Variants in CNTNAP5 observed in about 807,000 individuals in gnomAD.
CNTNAP5 encodes the protein contactin associated protein family member 5.
Under a neutral mutation model 150.2 loss-of-function variants are expected in CNTNAP5, and 72 were observed. That is an observed-to-expected ratio of 0.48 (90% confidence interval 0.40 to 0.58). CNTNAP5 has a LOEUF of 0.58. Among genes scored for constraint, CNTNAP5 ranks in the 20% least tolerant of loss-of-function variants. The pLI is 0.00. For missense variants in CNTNAP5, 1,636 were observed against 1,626.2 expected, an observed-to-expected ratio of 1.01 and a Z score of -0.10; for synonymous variants, 672 against 619.8, an observed-to-expected ratio of 1.08 and a Z score of -1.25.
At chr2:124,352,194 T>C (rs1431094846) in intron 3 of CNTNAP5, among the ~76,000 whole-genome samples, 1 of 152,076 alleles carries the variant, frequency 6.6e-6, no homozygotes, top group Non-Finnish European at 1.5e-5. Context: ...TAAACATTAT[T>C]TGGAAGATTC....
intron 13 of CNTNAP5, among the ~76,000 whole-genome samples, chr2:124,685,250 T>C (rs879672488): frequency 5.9e-5 from 9 of 152,164 alleles, no homozygotes; most frequent in Non-Finnish European, 8.8e-5. Flanking sequence ...CTCATATAAA[T>C]TAAAGAAGAC....
chr2:124,555,789 G>T (rs1222776332), intron 10 of CNTNAP5, among the ~76,000 whole-genome samples: 1 of 152,132 alleles, frequency 6.6e-6, no homozygotes, highest in East Asian at 1.9e-4. Context: ...GCTGTCTTCT[G>T]GGTTAATCTA....
At chr2:124,707,137 AGAG>A (rs1310808784) in intron 13 of CNTNAP5, among the ~76,000 whole-genome samples, 1,426 of 88,968 alleles carry the variant, frequency 0.016, 32 homozygotes, top group Non-Finnish European at 0.018. Flanking sequence ...AAGAAGAAGA[AGAG>A]GAAGAAGAAG....
At chr2:124,288,712 C>T (rs1014536745) in intron 3 of CNTNAP5, among the ~76,000 whole-genome samples, 3 of 152,112 alleles carry the variant, frequency 2.0e-5, no homozygotes, top group African/African-American at 7.2e-5. Flanking sequence ...GGTTTATTTC[C>T]TAATAGGCAC....
chr2:124,544,246 T>C (rs1318596596), intron 10 of CNTNAP5, among the ~76,000 whole-genome samples: 4 of 151,950 alleles, frequency 2.6e-5, no homozygotes, highest in Non-Finnish European at 4.4e-5. Flanking sequence ...CTAATGTTTC[T>C]AAAGAAAAAA....
chr2:124,534,062 A>G (rs560082489), intron 10 of CNTNAP5, among the ~76,000 whole-genome samples: 45 of 152,322 alleles, frequency 3.0e-4, no homozygotes, highest in Non-Finnish European at 5.4e-4. Flanking sequence ...AACAAGTGAG[A>G]TACAAGGAGA....
chr2:124,203,174 C>T (rs549362283), intron 1 of CNTNAP5, among the ~76,000 whole-genome samples: 1 of 152,234 alleles, frequency 6.6e-6, no homozygotes, highest in African/African-American at 2.4e-5. Flanking sequence ...GGGTTACAGG[C>T]CCCATGCAAG....
chr2:124,092,978 T>C (rs1682849848), intron 1 of CNTNAP5, among the ~76,000 whole-genome samples: 1 of 152,202 alleles, frequency 6.6e-6, no homozygotes, highest in Non-Finnish European at 1.5e-5. Context: ...GAGAAGTTCA[T>C]GGTCAGTCAC....
At chr2:124,398,378 C>A (rs1411051087) in intron 3 of CNTNAP5, among the ~76,000 whole-genome samples, 2 of 152,040 alleles carry the variant, frequency 1.3e-5, no homozygotes, top group Non-Finnish European at 1.5e-5. Context: ...GGGGGAACAT[C>A]TCGCAGTTTG....
intron 3 of CNTNAP5, among the ~76,000 whole-genome samples, chr2:124,244,959 T>A (rs1173786773): frequency 6.6e-6 from 1 of 152,198 alleles, no homozygotes; most frequent in African/African-American, 2.4e-5. Context: ...ATTTCACAAC[T>A]AAGATTTATT....
chr2:124,304,287 C>G (rs1293548596), intron 3 of CNTNAP5, among the ~76,000 whole-genome samples: 1 of 152,100 alleles, frequency 6.6e-6, no homozygotes, highest in Non-Finnish European at 1.5e-5. Context: ...AAATTGAGCC[C>G]TTGACCTAGG....
chr2:124,124,306 G>A (rs555483765), intron 1 of CNTNAP5, among the ~76,000 whole-genome samples: 1 of 152,234 alleles, frequency 6.6e-6, no homozygotes, highest in South Asian at 2.1e-4. Flanking sequence ...GGAAGAAAGG[G>A]TATCAGTGAT....
chr2:124,162,583 A>T (rs1018688247), intron 1 of CNTNAP5, among the ~76,000 whole-genome samples: 8 of 152,150 alleles, frequency 5.3e-5, no homozygotes. Context: ...AAATAAAGGA[A>T]ACATGATTCC....
intron 21 of CNTNAP5, among the ~76,000 whole-genome samples, chr2:124,892,998 A>T (rs1678230759): frequency 6.6e-6 from 1 of 152,168 alleles, no homozygotes; most frequent in Admixed American, 6.6e-5. Context: ...ACTCTCTGGG[A>T]TGGGCAAAGT....
chr2:124,111,580 A>G (rs950169347), intron 1 of CNTNAP5, among the ~76,000 whole-genome samples: 1 of 152,144 alleles, frequency 6.6e-6, no homozygotes, highest in African/African-American at 2.4e-5. Context: ...CACTGATGTC[A>G]GTAACTAAAA....
At chr2:124,102,099 G>A (rs1379127006) in intron 1 of CNTNAP5, among the ~76,000 whole-genome samples, 1 of 152,024 alleles carries the variant, frequency 6.6e-6, no homozygotes, top group Non-Finnish European at 1.5e-5. Context: ...TAAATGCTGA[G>A]GCTTCCAGAT....
At chr2:124,322,394 T>C (rs899277196) in intron 3 of CNTNAP5, among the ~76,000 whole-genome samples, 2 of 152,018 alleles carry the variant, frequency 1.3e-5, no homozygotes, top group African/African-American at 4.8e-5. Flanking sequence ...TACCACCAAG[T>C]GTTAGTTTGT....
At chr2:124,375,673 G>T (rs1458634730) in intron 3 of CNTNAP5, among the ~76,000 whole-genome samples, 1 of 151,962 alleles carries the variant, frequency 6.6e-6, no homozygotes, top group Non-Finnish European at 1.5e-5. Context: ...CTGGTTTGGG[G>T]GACTGTGCTA....
chr2:124,255,676 C>T (rs746014288), intron 3 of CNTNAP5, among the ~76,000 whole-genome samples: 3 of 151,762 alleles, frequency 2.0e-5, no homozygotes, highest in Non-Finnish European at 4.4e-5. Context: ...TCAGAATCAT[C>T]CCTATTTGGG....
Sources: gnomAD v4.1 joint callset for allele counts (sites outside exome capture counted in the v4.1 genomes callset) on GRCh38, gnomAD v4.1.1 for gene constraint, MANE v1.5 for transcripts, NCBI Gene and HGNC (gene_info 2026-07-23, HGNC 2026-07-21) for gene names.